The following DGKH variants were observed in gnomAD, a reference collection of about 807,000 sequenced individuals.
DGKH encodes DAG kinase eta.
Under a neutral mutation model 159.3 loss-of-function variants are expected in DGKH, and 90 were observed. The observed-to-expected ratio is 0.57, with a 90% CI of 0.48 to 0.67. DGKH has a LOEUF of 0.67. Ranked by LOEUF, DGKH falls within the 30% of genes least tolerant of loss-of-function variation. The pLI is 0.00. For synonymous variants in DGKH, 536 were observed against 553.8 expected (o/e 0.97, Z 0.45); for missense variants, 1,181 against 1,506.1 (o/e 0.78, Z 3.57).
intron 3 of DGKH, among the ~76,000 whole-genome samples, chr13:42,131,579 G>GAAA (rs1221654029): frequency 6.6e-6 from 1 of 152,210 alleles, no homozygotes; most frequent in Admixed American, 6.5e-5. Flanking sequence ...GGCTTCTATA[G>GAAA]AAAAAGATAA....
At chr13:42,125,370 C>A (rs1955150053) in intron 1 of DGKH, among the ~76,000 whole-genome samples, 1 of 152,152 alleles carries the variant, frequency 6.6e-6, no homozygotes, top group Non-Finnish European at 1.5e-5. Context: ...TTCTCTAACC[C>A]AGACAGTGTG....
intron 1 of DGKH, among the ~76,000 whole-genome samples, chr13:42,087,958 G>C (rs541593505): frequency 6.6e-6 from 1 of 152,186 alleles, no homozygotes; most frequent in East Asian, 1.9e-4. Flanking sequence ...AAAACAACCT[G>C]ATAGCACATC....
chr13:42,041,595 G>A lies in DGKH; in HGVS notation c.-13+1469G>A, dbSNP rs540452279. Reference sequence around the variant, plus strand: ...GAGGATAAGGAGGAAGAGACCAGGGGGCTTTGGATTTGTTCCCTCAAACTC... The same window carrying A: ...GAGGATAAGGAGGAAGAGACCAGGGAGCTTTGGATTTGTTCCCTCAAACTC... On this transcript the variant is annotated intron_variant, in intron 1 of 29. Coordinates refer to the DGKH transcript ENST00000379274. Among the ~76,000 whole-genome samples, 5 of 152,282 alleles carry A rather than the reference G, an allele frequency of 3.3e-5. No individual in the cohort carries two copies. The South Asian group carries it at 8.3e-4, about 25-fold the overall frequency.
chr13:42,107,895 G>A (rs190418687), intron 1 of DGKH, among the ~76,000 whole-genome samples: 2 of 152,222 alleles, frequency 1.3e-5, no homozygotes, highest in Non-Finnish European at 2.9e-5. Context: ...CTCTCTTTGG[G>A]CTCAGAGGCA....
At chr13:42,246,815 C>T (rs563217782), downstream of DGKH, among the ~76,000 whole-genome samples, 21 of 152,246 alleles carry the variant, frequency 1.4e-4, no homozygotes, top group African/African-American at 4.8e-4. Flanking sequence ...GATCTGAGAT[C>T]TCGTTTAATT....
chr13:42,182,648 ATC>A (rs1956799577), intron 13 of DGKH, among the ~76,000 whole-genome samples: 1 of 152,104 alleles, frequency 6.6e-6, no homozygotes, highest in Non-Finnish European at 1.5e-5. Context: ...AGACAAAACA[ATC>A]TGTTTTCTTT....
At chr13:42,095,578 A>AT (rs1954513530) in intron 1 of DGKH, among the ~76,000 whole-genome samples, 1 of 152,130 alleles carries the variant, frequency 6.6e-6, no homozygotes, top group Non-Finnish European at 1.5e-5. Context: ...ATGATTAGTA[A>AT]TTTTTTGTTC....
chr13:42,180,545 C>T (rs930431727), intron 13 of DGKH, among the ~76,000 whole-genome samples: 4 of 152,218 alleles, frequency 2.6e-5, no homozygotes, highest in Admixed American at 6.5e-5. Flanking sequence ...GGTAGCATCA[C>T]CTCACGTTTT....
chr13:42,142,176 A>T (rs1304079677), intron 3 of DGKH, among the ~76,000 whole-genome samples: 4 of 152,070 alleles, frequency 2.6e-5, no homozygotes, highest in African/African-American at 7.2e-5. Context: ...TTCTTGTTTT[A>T]GTCAGGTTTG....
At position 42,232,384 on chromosome 13, in the gene DGKH, G is replaced by C. The variant is rs2296505; in HGVS notation, c.*3196G>C. 0.27 allele frequency: 41,071 copies of C among 152,126 alleles called. 5,839 individuals carry two copies. The highest frequency in any genetic ancestry group is 0.31 in the Non-Finnish European group (21,121 of 67,986). The allele number at this position is 152,126 out of a possible 1,614,324, so 9.4% of individuals were successfully genotyped here. On this transcript the variant is annotated 3_prime_UTR_variant, in exon 30 of 30. Transcript: ENST00000337343. ...CCTGAGGAAGAACTTGCTTTTAAAG[G>C]AGGAAAGGGACAGAATCAGACCTAA...
At chr13:42,069,135 C>CT in intron 1 of DGKH, 12 of 1,400,948 alleles carry the variant, frequency 8.6e-6, no homozygotes, top group Non-Finnish European at 1.2e-5. Flanking sequence ...TCATTTCTCT[C>CT]TCCCCAAGCT....
At chr13:42,226,692 A>T (rs549232605) in intron 29 of DGKH, among the ~76,000 whole-genome samples, 1 of 151,958 alleles carries the variant, frequency 6.6e-6, no homozygotes, top group Admixed American at 6.6e-5. Context: ...TGTCTCTACT[A>T]AAAATAGAAA....
intron 1 of DGKH, among the ~76,000 whole-genome samples, chr13:42,067,737 T>C (rs1316523584): frequency 1.3e-5 from 2 of 152,116 alleles, no homozygotes; most frequent in African/African-American, 4.8e-5. Flanking sequence ...ATGTTTTATT[T>C]GTCCTTTTAC....
intron 22 of DGKH, 22 bp downstream of exon 22, chr13:42,209,094 T>C (rs1297853225): frequency 6.3e-7 from 1 of 1,593,626 alleles, no homozygotes; most frequent in Non-Finnish European, 8.6e-7. Context: ...TCGTCAAACC[T>C]GACTGCACTT....
At chr13:42,226,106 A>T (rs1431266141) in intron 29 of DGKH, among the ~76,000 whole-genome samples, 1 of 152,146 alleles carries the variant, frequency 6.6e-6, no homozygotes, top group Non-Finnish European at 1.5e-5. Context: ...ATTTACAAGA[A>T]AAAAAACAAC....
Position 42,239,221 on chromosome 13 carries a change from G to A in DGKH, c.*10033G>A, listed in dbSNP as rs185564155. The A allele has an allele frequency of 5.3e-5, 8 of 152,060 alleles. No homozygotes were observed. Among genetic ancestry groups the A allele is most frequent in the African/African-American group, 1.7e-4 (7 of 41,496 alleles). The allele number at this position is 152,060 out of a possible 1,614,324, so 9.4% of individuals were successfully genotyped here. ...TGCTCTGTTTACAGATTATAATTGC[G>A]CAGCATTTTAAAAAAATATACATAA... On this transcript the variant is annotated 3_prime_UTR_variant, in exon 30 of 30. Coordinates refer to ENST00000337343, the MANE Select transcript of DGKH (RefSeq NM_178009.5).
At position 42,052,970 on chromosome 13, in the gene DGKH, G is replaced by A. The variant is rs143780761; in HGVS notation, c.192+4005G>A. ...ATTTATATGTCTTCTTACAGCTAAT[G>A]GCCACAAATGAGTCTCTAAATTTAG... is the stretch of plus-strand genomic sequence containing the variant. On this transcript the variant is annotated intron_variant, in intron 1 of 29. Coordinates refer to ENST00000337343, the MANE Select transcript of DGKH (RefSeq NM_178009.5). Among the ~76,000 whole-genome samples, 111 of 152,110 alleles carry A rather than the reference G, an allele frequency of 7.3e-4. 1 individual carries two copies. The highest frequency in any genetic ancestry group is 1.1e-3 in the Non-Finnish European group (72 of 67,998).
intron 1 of DGKH, among the ~76,000 whole-genome samples, chr13:42,067,427 TAGAACACAGAA>T (rs1882658621): frequency 6.6e-6 from 1 of 152,164 alleles, no homozygotes; most frequent in African/African-American, 2.4e-5. Context: ...AATTTGAAGA[TAGAACACAGAA>T]TTACTCATTT....
intron 1 of DGKH, among the ~76,000 whole-genome samples, chr13:42,125,491 G>A (rs1473934662): frequency 2.0e-5 from 3 of 152,186 alleles, no homozygotes; most frequent in Admixed American, 2.0e-4. Context: ...TAGAGTTGGG[G>A]TAATTTGTCC....
Sources: allele counts gnomAD v4.1 joint callset (sites outside exome capture counted in the v4.1 genomes callset), GRCh38; gene constraint gnomAD v4.1.1; transcripts MANE v1.5; gene names NCBI Gene and HGNC (gene_info 2026-07-23, HGNC 2026-07-21).